PTPRN2: variants seen among roughly 807,000 people sequenced by gnomAD.
PTPRN2 encodes receptor-type tyrosine-protein phosphatase N2.
In PTPRN2, 74 loss-of-function variants were observed where a neutral mutation model predicts 118.8. The ratio of observed to expected loss-of-function variants is 0.62; its 90% CI spans 0.52 to 0.76. The LOEUF (loss-of-function observed/expected upper bound fraction) is 0.76, where lower values mean the gene tolerates loss of function less well. Ranked by LOEUF, PTPRN2 falls within the 30% of genes least tolerant of loss-of-function variation. The pLI is 0.00. For synonymous variants in PTPRN2, 641 were observed against 608.0 expected, an observed-to-expected ratio of 1.05 and a Z score of -0.80; for missense variants, 1,481 against 1,394.4, an observed-to-expected ratio of 1.06 and a Z score of -0.99.
intron 11 of PTPRN2, among the ~76,000 whole-genome samples, chr7:158,078,011 C>A (rs1217350447): frequency 6.6e-6 from 1 of 152,046 alleles, no homozygotes; most frequent in Non-Finnish European, 1.5e-5. Context: ...TTCACTAATA[C>A]CCTGTGCTCA....
intron 2 of PTPRN2, among the ~76,000 whole-genome samples, chr7:158,384,885 C>T (rs1322747862): frequency 6.6e-6 from 1 of 152,074 alleles, no homozygotes; most frequent in Non-Finnish European, 1.5e-5. Context: ...ACCTCTGCAG[C>T]ATGTGGGCTA....
chr7:158,350,797 C>A (rs4909196), intron 2 of PTPRN2, among the ~76,000 whole-genome samples: 145,531 of 152,294 alleles, frequency 0.96, 69,564 homozygotes, highest in Non-Finnish European at 0.96. Context: ...GGAAACAGAC[C>A]CAGAAGGAGC....
chr7:157,716,484 C>T (rs1396875283), intron 12 of PTPRN2, among the ~76,000 whole-genome samples: 1 of 90,668 alleles, frequency 1.1e-5, no homozygotes, highest in East Asian at 3.3e-4. Context: ...CACTGCCTGG[C>T]CACGTAGACT....
At chr7:157,875,193 G>C (rs1300392509) in intron 12 of PTPRN2, among the ~76,000 whole-genome samples, 1 of 152,214 alleles carries the variant, frequency 6.6e-6, no homozygotes, top group African/African-American at 2.4e-5. Context: ...TTTTCGAAAT[G>C]CTGAATTTTG....
intron 9 of PTPRN2, among the ~76,000 whole-genome samples, chr7:158,129,759 G>A (rs1818021173): frequency 6.6e-6 from 1 of 152,220 alleles, no homozygotes; most frequent in African/African-American, 2.4e-5. Context: ...CTCTGCTGGT[G>A]CAGACACGCA....
chr7:158,187,406 T>C (rs1230460553), intron 5 of PTPRN2, among the ~76,000 whole-genome samples: 1 of 152,174 alleles, frequency 6.6e-6, no homozygotes, highest in African/African-American at 2.4e-5. Context: ...AAAGCTTAAA[T>C]TTCCAATTAA....
chr7:157,613,977 C>A, intron 15 of PTPRN2: 1 of 469,588 alleles, frequency 2.1e-6, no homozygotes, highest in Admixed American at 2.4e-5. Context: ...ACTCTGTGAG[C>A]TCACAGGGCT....
chr7:158,087,560 A>G (rs1386256248), intron 10 of PTPRN2, among the ~76,000 whole-genome samples: 1 of 152,158 alleles, frequency 6.6e-6, no homozygotes, highest in African/African-American at 2.4e-5. Flanking sequence ...AATGCTGCCC[A>G]CTCAGATGCA....
intron 10 of PTPRN2, among the ~76,000 whole-genome samples, chr7:158,102,735 ACACTTGCACTTAAGATGCAAGTGTG>A (rs926838476): frequency 1.4e-4 from 22 of 152,172 alleles, no homozygotes; most frequent in Non-Finnish European, 2.6e-4. Flanking sequence ...CGCTTGAATC[ACACTTGCACTTAAGATGCAAGTGTG>A]CACTTGCACA....
rs1804134134 is a variant in PTPRN2 at position 157,990,164 on chromosome 7, G to A, written c.1723+91134C>T. Among the ~76,000 whole-genome samples the A allele has an allele frequency of 6.6e-6, 1 of 151,846 alleles. No individual in the cohort carries two copies. Among genetic ancestry groups the A allele is most frequent in the African/African-American group, 2.4e-5 (1 of 41,302 alleles). The stretch of plus-strand genomic sequence containing the variant: ...GGTGAAGCTGCAGCTGGGGACACGA[G>A]TTAATGTGAGTGCGAGCCCAGGGCA... On this transcript the variant is annotated intron_variant, in intron 11 of 22. Transcript: ENST00000389418. The surrounding 1 kb of genome is among the most constrained non-coding windows in gnomAD (Gnocchi z 4.3).
rs1432565112 is a variant in PTPRN2 at position 158,123,061 on chromosome 7, G to A, written c.1556+10616C>T. ...CTATTTACTGCAAAACCCACCAGGA[G>A]CTAGGGAGCCAAATGTGAAGGGAAA... is the stretch of plus-strand genomic sequence containing the variant. On this transcript the variant is annotated intron_variant, in intron 9 of 22. Coordinates refer to ENST00000389418, the MANE Select transcript of PTPRN2 (RefSeq NM_002847.5). Among the ~76,000 whole-genome samples the A allele has an allele frequency of 3.3e-5, 5 of 152,202 alleles. No individual in the cohort carries two copies. In the East Asian group the frequency reaches 9.6e-4, roughly 29 times the overall value.
chr7:157,605,216 G>T (rs910700458), intron 15 of PTPRN2, among the ~76,000 whole-genome samples: 2 of 152,250 alleles, frequency 1.3e-5, no homozygotes, highest in African/African-American at 4.8e-5. Flanking sequence ...AGTCAGGCAC[G>T]CTGGGTGCTG....
chr7:158,497,297 A>C (rs1295273969), intron 1 of PTPRN2, among the ~76,000 whole-genome samples: 1 of 144,682 alleles, frequency 6.9e-6, no homozygotes, highest in Non-Finnish European at 1.5e-5. Flanking sequence ...TGGCCAGGTG[A>C]CCCAGCCCCA....
chr7:158,399,385 T>C (rs1812771643), intron 2 of PTPRN2, among the ~76,000 whole-genome samples: 3 of 152,220 alleles, frequency 2.0e-5, no homozygotes, highest in Non-Finnish European at 2.9e-5. Context: ...GGTGTGGTAG[T>C]GCACACCTGT....
chr7:157,975,755 C>CTT (rs112294322), intron 11 of PTPRN2, among the ~76,000 whole-genome samples: 3 of 148,148 alleles, frequency 2.0e-5, no homozygotes, highest in African/African-American at 4.9e-5. Flanking sequence ...GTGAATTTAC[C>CTT]TTTTTTTTTT....
chr7:158,008,448 A>C (rs1805817674), intron 11 of PTPRN2, among the ~76,000 whole-genome samples: 1 of 152,214 alleles, frequency 6.6e-6, no homozygotes, highest in Non-Finnish European at 1.5e-5. Context: ...CCTTCCTCAT[A>C]AACAGATGAA....
At chr7:157,752,678 C>T (rs540760050) in intron 12 of PTPRN2, among the ~76,000 whole-genome samples, 14 of 152,358 alleles carry the variant, frequency 9.2e-5, no homozygotes, top group Admixed American at 2.0e-4. Flanking sequence ...TCTCTGTTTC[C>T]GTCTTCCTGC....
intron 2 of PTPRN2, among the ~76,000 whole-genome samples, chr7:158,320,545 T>C (rs1802921619): frequency 1.9e-5 from 1 of 53,720 alleles, no homozygotes; most frequent in South Asian, 4.9e-4. Context: ...TGTTCCCGCG[T>C]CCTCGGCAGC....
chr7:158,506,973 A>G (rs1187723555), intron 1 of PTPRN2, among the ~76,000 whole-genome samples: 7 of 152,202 alleles, frequency 4.6e-5, no homozygotes, highest in Non-Finnish European at 8.8e-5. Flanking sequence ...ATGGCTGGCC[A>G]ATACCAGGGA....
Sources: allele counts gnomAD v4.1 joint callset (sites outside exome capture counted in the v4.1 genomes callset), GRCh38; gene constraint gnomAD v4.1.1; non-coding constraint Gnocchi (gnomAD v3.1); transcripts MANE v1.5; gene names NCBI Gene and HGNC (gene_info 2026-07-23, HGNC 2026-07-21).